WFIKKN1: variants seen among roughly 807,000 people sequenced by gnomAD.
The protein encoded by WFIKKN1 is WAP, Kazal, immunoglobulin, Kunitz and NTR domain-containing protein 1.
A neutral mutation model predicts 4.6 loss-of-function variants in WFIKKN1; 6 were observed. The observed-to-expected ratio is 1.31, with a 90% CI of 0.72 to 2.59. WFIKKN1 has a LOEUF of 2.59. WFIKKN1 is among the 30% of genes most tolerant of loss of function. WFIKKN1 has a pLI of 0.00. For synonymous variants in WFIKKN1, 468 were observed against 367.4 expected (o/e 1.27, Z -3.13); for missense variants, 964 against 818.0 (o/e 1.18, Z -2.18).
chr16:632,757 G>A lies in WFIKKN1; in HGVS notation c.347G>A (p.Cys116Tyr). Reference sequence around the variant, plus strand: ...TGGGACGGGCAGCCCGTGTGCCGCTGCCGCGACCGCTGTGAGAAGGAGCCC... The same window carrying A: ...TGGGACGGGCAGCCCGTGTGCCGCTACCGCGACCGCTGTGAGAAGGAGCCC... Reference protein sequence around the residue: ...DIWDGQPVCRCRDRCEKEPSF... With the variant: ...DIWDGQPVCRYRDRCEKEPSF... Residue 116 changes from cysteine (C) to tyrosine (Y), a missense_variant, in exon 2 of 2, where the codon TGC becomes TAC. Cys to Tyr is a radical substitution (Grantham distance 194). Transcript: ENST00000319070. 1 of 1,608,624 alleles carries A rather than the reference G, an allele frequency of 6.2e-7. No homozygotes were observed. The highest frequency in any genetic ancestry group is 8.5e-7 in the Non-Finnish European group (1 of 1,177,574).
At chr16:631,619 C>T (rs943768388) in intron 1 of WFIKKN1, 195 bp downstream of exon 1, 7 of 566,546 alleles carry the variant, frequency 1.2e-5, no homozygotes, top group East Asian at 3.7e-5. Flanking sequence ...CTCCAGCTTT[C>T]ATGCTCCCCA....
Position 632,722 on chromosome 16 carries a change from C to G in WFIKKN1, c.312C>G (p.Asp104Glu), listed in dbSNP as rs754507333. 6.2e-7 allele frequency: 1 copy of G among 1,610,586 alleles called. No homozygotes were observed. Among genetic ancestry groups the G allele is most frequent in the Non-Finnish European group, 8.5e-7 (1 of 1,178,796 alleles). ...TTGTGTGCCCACAGCAGGGCTCGGA[C>G]TGCGACATCTGGGACGGGCAGCCCG... ...EGFVCPQQGS[D>E]CDIWDGQPVC... Residue 104 changes from aspartate to glutamate, a missense_variant, in exon 2 of 2, where the codon GAC (aspartate) becomes GAG (glutamate). Physicochemically the swap from Asp to Glu is conservative, Grantham distance 45 (BLOSUM62 2). Coordinates refer to ENST00000319070, the MANE Select transcript of WFIKKN1 (RefSeq NM_053284.3).
chr16:631,489 G>A (rs1596427117), intron 1 of WFIKKN1, 65 bp downstream of exon 1: 7 of 1,557,266 alleles, frequency 4.5e-6, no homozygotes, highest in Non-Finnish European at 5.2e-6. Context: ...CCCTGCTGGA[G>A]GTGCCACCTT....
In WFIKKN1 at chr16:633,883, C is replaced by T; in HGVS notation, c.1473C>T (p.Cys491=). The change falls in exon 2 of 2, where the codon TGC becomes TGT. Residue 491 remains cysteine, a synonymous_variant. Coordinates refer to ENST00000319070, the MANE Select transcript of WFIKKN1 (RefSeq NM_053284.3). ...TLSGMDWACP[C]PNMTAGDGPL... Reference sequence around the variant, plus strand: ...GTGGCATGGACTGGGCCTGCCCCTGCCCCAACATGACGGCGGGCGACGGGC... The same window carrying T: ...GTGGCATGGACTGGGCCTGCCCCTGTCCCAACATGACGGCGGGCGACGGGC... 1 of 1,596,484 alleles carries T rather than the reference C, an allele frequency of 6.3e-7. No homozygotes were observed. The highest frequency in any genetic ancestry group is 8.5e-7 in the Non-Finnish European group (1 of 1,172,242).
In WFIKKN1 at chr16:632,836, C is replaced by A; in HGVS notation, c.426C>A (p.Asp142Glu). ...GLTYYNRCYM[D>E]AEACLRGLHL... Reference sequence around the variant, plus strand: ...CCTACTACAACCGCTGCTATATGGACGCCGAGGCCTGCCTGCGGGGCCTGC... The same window carrying A: ...CCTACTACAACCGCTGCTATATGGAAGCCGAGGCCTGCCTGCGGGGCCTGC... The change falls in exon 2 of 2, where the codon GAC becomes GAA. Residue 142 changes from aspartate to glutamate, a missense_variant. By Grantham distance (45) the Asp-to-Glu change is conservative (BLOSUM62 2). Transcript: ENST00000319070. 6.4e-7 allele frequency: 1 copy of A among 1,570,674 alleles called. No individual in the cohort carries two copies. The highest frequency in any genetic ancestry group is 1.2e-5 in the South Asian group (1 of 84,916).
At chr16:632,538 G>A (rs1309503071) in intron 1 of WFIKKN1, 44 bp from the exon 2 acceptor site, 1 of 1,456,332 alleles carries the variant, frequency 6.9e-7, no homozygotes, top group African/African-American at 1.5e-5. Flanking sequence ...GAGCCCCGGG[G>A]CGGGGGGCAT....
chr16:631,314 G>A lies in WFIKKN1; in HGVS notation c.61G>A (p.Gly21Ser). 6.2e-7 allele frequency: 1 copy of A among 1,601,904 alleles called. No individual in the cohort carries two copies. Among genetic ancestry groups the A allele is most frequent in the Non-Finnish European group, 8.5e-7 (1 of 1,178,950 alleles). Residue 21 changes from glycine (G) to serine (S), a missense_variant, in exon 1 of 2, where the codon GGC (glycine) becomes AGC (serine). Gly to Ser is a moderately conservative substitution (Grantham distance 56). Transcript: ENST00000319070. ...LLLLRLTSGAGLLPGLGSHPG... is the reference protein window; with the variant it reads ...LLLLRLTSGASLLPGLGSHPG... The stretch of plus-strand genomic sequence containing the variant: ...CCTCCTCCGGCTGACCTCGGGGGCT[G>A]GCTTGCTGCCAGGGCTGGGGAGCCA...
At position 632,746 on chromosome 16, in the gene WFIKKN1, C is replaced by G. The variant is rs147790380; in HGVS notation, c.336C>G (p.Pro112=). The change falls in exon 2 of 2, where the codon CCC becomes CCG. Residue 112 remains proline (P), a synonymous_variant. Coordinates refer to ENST00000319070, the MANE Select transcript of WFIKKN1 (RefSeq NM_053284.3). ...ACTGCGACATCTGGGACGGGCAGCCCGTGTGCCGCTGCCGCGACCGCTGTG... is the reference window on the plus strand; with the variant it reads ...ACTGCGACATCTGGGACGGGCAGCCGGTGTGCCGCTGCCGCGACCGCTGTG... ...GSDCDIWDGQ[P]VCRCRDRCEK... is the part of the protein sequence containing the mutation. 1.2e-6 allele frequency: 2 copies of G among 1,609,870 alleles called. No individual in the cohort carries two copies. Among genetic ancestry groups the G allele is most frequent in the Middle Eastern group, 1.7e-4 (1 of 6,012 alleles).
Position 633,435 on chromosome 16 carries a change from A to T in WFIKKN1, c.1025A>T (p.Glu342Val). ...TGTGATGGGGCGGCCCGCGGCTTTG[A>T]GACCTACGAGGCATGCCAGCAGGCC... ...RGCDGAARGF[E>V]TYEACQQACA... is the part of the protein sequence containing the mutation. The change falls in exon 2 of 2, where the codon GAG becomes GTG. Residue 342 changes from glutamate (E) to valine (V), a missense_variant. Glu to Val is a moderately radical substitution (Grantham distance 121). Transcript: ENST00000319070. 6.5e-7 allele frequency: 1 copy of T among 1,546,654 alleles called. No individual in the cohort carries two copies. The highest frequency in any genetic ancestry group is 8.7e-7 in the Non-Finnish European group (1 of 1,154,424).
intron 1 of WFIKKN1, chr16:631,650 C>T (rs1330642772): frequency 7.1e-6 from 3 of 419,974 alleles, no homozygotes; most frequent in Admixed American, 9.0e-5. Flanking sequence ...CCCTGGGGCA[C>T]CATCATCCTC....
In WFIKKN1 at chr16:633,655, G is replaced by A. The variant is rs1314919588; in HGVS notation, c.1245G>A (p.Pro415=). ...ATGCCTGCCCCGTGCCGCGCACACCGCCCTGCCGCGCCTGCCGCCTCCGGA... is the reference window on the plus strand; with the variant it reads ...ATGCCTGCCCCGTGCCGCGCACACCACCCTGCCGCGCCTGCCGCCTCCGGA... The part of the protein sequence containing the change: ...CEDACPVPRT[P]PCRACRLRSK... The change falls in exon 2 of 2, where the codon CCG becomes CCA. Residue 415 remains proline (P), a synonymous_variant. Transcript: ENST00000319070. 3.2e-6 allele frequency: 5 copies of A among 1,570,068 alleles called. No individual in the cohort carries two copies. In the South Asian group the frequency reaches 3.5e-5, roughly 11 times the overall value.
chr16:632,394 T>C lies in WFIKKN1; in HGVS notation c.172-188T>C, dbSNP rs775183436. On this transcript the variant is annotated intron_variant, in intron 1 of 1. Transcript: ENST00000319070. Reference sequence around the variant, plus strand: ...TTGTGGGTGTGAGGATTCTGGAAGGTAAGCCAGGTGGCACCTCTGGCGAGG... The same window carrying C: ...TTGTGGGTGTGAGGATTCTGGAAGGCAAGCCAGGTGGCACCTCTGGCGAGG... 2.4e-4 allele frequency: 144 copies of C among 597,116 alleles called. 1 individual carries two copies. The highest frequency in any genetic ancestry group is 1.9e-3 in the Middle Eastern group (4 of 2,124). The allele number at this position is 597,116 out of a possible 1,614,324, so 37.0% of individuals were successfully genotyped here.
At position 633,734 on chromosome 16, in the gene WFIKKN1, A is replaced by G; in HGVS notation, c.1324A>G (p.Thr442Ala). The change falls in exon 2 of 2, where the codon ACG (threonine) becomes GCG (alanine). Residue 442 changes from threonine to alanine, a missense_variant. Thr to Ala is a moderately conservative substitution (Grantham distance 58). Coordinates refer to ENST00000319070, the MANE Select transcript of WFIKKN1 (RefSeq NM_053284.3). ...CGACTTCGCCATCGTGGGGCGGCTC[A>G]CGGAGGTGCTGGAGGAGCCCGAGGC... ...RSDFAIVGRLTEVLEEPEAAG... is the reference protein window; with the variant it reads ...RSDFAIVGRLAEVLEEPEAAG... The G allele has an allele frequency of 6.3e-7, 1 of 1,590,010 alleles. No individual in the cohort carries two copies. Among genetic ancestry groups the G allele is most frequent in the Non-Finnish European group, 8.6e-7 (1 of 1,168,722 alleles).
chr16:631,562 A>T (rs2036948836), intron 1 of WFIKKN1, 138 bp downstream of exon 1: 2 of 1,069,028 alleles, frequency 1.9e-6, no homozygotes, highest in South Asian at 1.8e-5. Flanking sequence ...GCCCAGAGAC[A>T]CCCCCATCGT....
chr16:632,269 G>T, intron 1 of WFIKKN1: 1 of 299,236 alleles, frequency 3.3e-6, no homozygotes, highest in Non-Finnish European at 6.2e-6. Context: ...TCCAGCCTTT[G>T]TCCTGGCCCG....
rs368839792 is a variant in WFIKKN1 at position 631,343 on chromosome 16, G to C, written c.90G>C (p.Pro30=). Residue 30 remains proline (P), a synonymous_variant, in exon 1 of 2, where the codon CCG becomes CCC. Transcript: ENST00000319070. ...TGCTGCCAGGGCTGGGGAGCCACCC[G>C]GGCGTGTGCCCCAACCAGCTCAGCC... ...AGLLPGLGSH[P]GVCPNQLSPN... 6.2e-7 allele frequency: 1 copy of C among 1,606,930 alleles called. No individual in the cohort carries two copies. Among genetic ancestry groups the C allele is most frequent in the East Asian group, 2.2e-5 (1 of 44,802 alleles).
At position 632,917 on chromosome 16, in the gene WFIKKN1, G is replaced by A. The variant is rs781519272; in HGVS notation, c.507G>A (p.Gly169=). 3 of 1,561,670 alleles carry A rather than the reference G, an allele frequency of 1.9e-6. No homozygotes were observed. Among genetic ancestry groups the A allele is most frequent in the South Asian group, 1.2e-5 (1 of 83,102 alleles). Residue 169 remains glycine (G), a synonymous_variant, in exon 2 of 2, where the codon GGG becomes GGA. Coordinates refer to ENST00000319070, the MANE Select transcript of WFIKKN1 (RefSeq NM_053284.3). The part of the protein sequence containing the change: ...HVLSWPPSSP[G]PPETTARPTP... The stretch of plus-strand genomic sequence containing the variant: ...TCAGCTGGCCGCCCAGCAGCCCGGG[G>A]CCGCCGGAGACCACTGCCCGCCCCA...
Position 633,112 on chromosome 16 carries a change from T to TC in WFIKKN1, c.703dup (p.Gln235ProfsTer41). 4 of 1,610,918 alleles carry TC rather than the reference T, an allele frequency of 2.5e-6. No homozygotes were observed. The highest frequency in any genetic ancestry group is 3.4e-6 in the Non-Finnish European group (4 of 1,178,730). ...GAGAGAACCTGATCATGCGCCCTGA[T>TC]CAGATGTATGGCAACGTGGTGGTCA... On this transcript the variant is annotated frameshift_variant, in exon 2 of 2. Coordinates refer to ENST00000319070, the MANE Select transcript of WFIKKN1 (RefSeq NM_053284.3). LOFTEE classifies it low-confidence loss of function (END_TRUNC).
In WFIKKN1 at chr16:632,695, C is replaced by CT; in HGVS notation, c.288dup (p.Val97CysfsTer25). On this transcript the variant is annotated frameshift_variant, in exon 2 of 2. Transcript: ENST00000319070. LOFTEE classifies it low-confidence loss of function (END_TRUNC). Reference sequence around the variant, plus strand: ...CGACGACAGCGGCCTCCTGCGAGGGCTTTGTGTGCCCACAGCAGGGCTCGG... The same window carrying CT: ...CGACGACAGCGGCCTCCTGCGAGGGCTTTTGTGTGCCCACAGCAGGGCTCGG... The CT allele has an allele frequency of 3.7e-6, 6 of 1,609,472 alleles. No individual in the cohort carries two copies. The highest frequency in any genetic ancestry group is 4.2e-6 in the Non-Finnish European group (5 of 1,178,314).
Sources: allele counts gnomAD v4.1 joint callset, GRCh38; gene constraint gnomAD v4.1.1; transcripts MANE v1.5; gene names NCBI Gene and HGNC (gene_info 2026-07-23, HGNC 2026-07-21).